WWOX: variants seen among roughly 807,000 people sequenced by gnomAD.
WWOX encodes the protein WW domain containing oxidoreductase.
WWOX carries 69 observed loss-of-function variants against 46.2 expected under a neutral mutation model. That is an observed-to-expected ratio of 1.49 (90% CI 1.23 to 1.82). The LOEUF is 1.82. Among genes scored for constraint, WWOX ranks in the 40% most tolerant of loss-of-function variants. The pLI is 0.00. For synonymous variants in WWOX, 359 were observed against 202.6 expected, an observed-to-expected ratio of 1.77 and a Z score of -6.56; for missense variants, 919 against 542.6, an observed-to-expected ratio of 1.69 and a Z score of -6.89.
chr16:78,715,359 T>A (rs1038019676), intron 8 of WWOX, among the ~76,000 whole-genome samples: 1 of 152,196 alleles, frequency 6.6e-6, no homozygotes, highest in African/African-American at 2.4e-5. Flanking sequence ...CCCAGCTTTG[T>A]GATTCTCTAG....
intron 8 of WWOX, among the ~76,000 whole-genome samples, chr16:78,770,338 G>C (rs1255774987): frequency 1.3e-5 from 2 of 150,556 alleles, no homozygotes; most frequent in Non-Finnish European, 3.0e-5. Context: ...GCCATAGAGT[G>C]AGACTCTGTC....
intron 8 of WWOX, among the ~76,000 whole-genome samples, chr16:78,800,943 T>G (rs1043742580): frequency 2.1e-4 from 17 of 80,556 alleles, no homozygotes; most frequent in Non-Finnish European, 4.4e-4. Flanking sequence ...AATGGAAGTT[T>G]CGAAAAACAG....
chr16:78,924,988 C>A (rs1033588776), intron 8 of WWOX, among the ~76,000 whole-genome samples: 3 of 151,990 alleles, frequency 2.0e-5, no homozygotes, highest in Admixed American at 6.6e-5. Flanking sequence ...TGAGCTCAGG[C>A]GTTCAAGACC....
chr16:79,142,659 G>A (rs755502311), intron 8 of WWOX, among the ~76,000 whole-genome samples: 9 of 151,990 alleles, frequency 5.9e-5, no homozygotes, highest in Non-Finnish European at 1.0e-4. Context: ...TTTTTTCAAC[G>A]TTAATAGAAA....
intron 4 of WWOX, 129 bp from the exon 5 acceptor site, chr16:78,164,054 C>T: frequency 3.5e-6 from 3 of 856,922 alleles, no homozygotes; most frequent in South Asian, 2.9e-5. Context: ...GCTTCTGTCC[C>T]CTGGGGATCA....
At chr16:78,741,799 G>A (rs945431726) in intron 8 of WWOX, among the ~76,000 whole-genome samples, 3 of 152,188 alleles carry the variant, frequency 2.0e-5, no homozygotes, top group Non-Finnish European at 2.9e-5. Flanking sequence ...AGGTTGCAGT[G>A]AGTTGAGACT....
chr16:78,658,704 A>G (rs139570796), intron 8 of WWOX, among the ~76,000 whole-genome samples: 2 of 152,038 alleles, frequency 1.3e-5, no homozygotes, highest in African/African-American at 2.4e-5. Flanking sequence ...TCCTATAGGG[A>G]CTCAAGTCAT....
At chr16:78,689,906 G>A (rs530653267) in intron 8 of WWOX, among the ~76,000 whole-genome samples, 1 of 152,100 alleles carries the variant, frequency 6.6e-6, no homozygotes, top group East Asian at 1.9e-4. Flanking sequence ...TGTTGCCCAG[G>A]CTGCAGTGCA....
intron 5 of WWOX, among the ~76,000 whole-genome samples, chr16:78,189,769 C>A (rs2035823781): frequency 6.6e-6 from 1 of 152,172 alleles, no homozygotes; most frequent in Non-Finnish European, 1.5e-5. Context: ...ATTCTCCTGG[C>A]TCAACCTCCT....
chr16:79,139,378 G>C (rs532239809), intron 8 of WWOX, among the ~76,000 whole-genome samples: 21 of 152,268 alleles, frequency 1.4e-4, no homozygotes, highest in South Asian at 4.1e-4. Context: ...TCTTGGTTTT[G>C]CTTAAACTGC....
chr16:79,033,334 ATATT>A (rs1177055177), intron 8 of WWOX, among the ~76,000 whole-genome samples: 6 of 148,666 alleles, frequency 4.0e-5, no homozygotes, highest in African/African-American at 1.5e-4. Flanking sequence ...TCTATTATAT[ATATT>A]ACATATACAT....
At chr16:79,137,318 T>A (rs1364430696) in intron 8 of WWOX, among the ~76,000 whole-genome samples, 1 of 152,194 alleles carries the variant, frequency 6.6e-6, no homozygotes, top group Admixed American at 6.5e-5. Flanking sequence ...AGCTTGACAA[T>A]CTTGGCAAGG....
chr16:78,190,306 G>A (rs1360078321), intron 5 of WWOX, among the ~76,000 whole-genome samples: 1 of 152,168 alleles, frequency 6.6e-6, no homozygotes, highest in African/African-American at 2.4e-5. Context: ...AGTAAGAAAG[G>A]TGACGTCAAT....
rs1187563687 is a variant in WWOX at position 78,208,978 on chromosome 16, G to A, written c.516+44689G>A. Among the ~76,000 whole-genome samples, 7 of 152,134 alleles carry A rather than the reference G, an allele frequency of 4.6e-5. No homozygotes were observed. The South Asian group carries it at 8.3e-4, about 18-fold the overall frequency. On this transcript the variant is annotated intron_variant, in intron 5 of 8. Coordinates refer to ENST00000566780, the MANE Select transcript of WWOX (RefSeq NM_016373.4). ...ATCTGGGGAAAGAAGAATGGGAATGGAAGGAGTGTGTTTAAAATGTGGGTG... is the reference window on the plus strand; with the variant it reads ...ATCTGGGGAAAGAAGAATGGGAATGAAAGGAGTGTGTTTAAAATGTGGGTG...
At chr16:78,808,132 A>T (rs1288962123) in intron 8 of WWOX, among the ~76,000 whole-genome samples, 1 of 152,202 alleles carries the variant, frequency 6.6e-6, no homozygotes, top group African/African-American at 2.4e-5. Flanking sequence ...CCCTGTAGTC[A>T]ACCCCACTCC....
At chr16:78,730,933 G>T (rs923899869) in intron 8 of WWOX, among the ~76,000 whole-genome samples, 1 of 152,056 alleles carries the variant, frequency 6.6e-6, no homozygotes, top group Admixed American at 6.5e-5. Flanking sequence ...CACTTTGTTT[G>T]TTCCCCTAGA....
chr16:78,237,819 A>G (rs1372067753), intron 5 of WWOX: 1 of 152,244 alleles, frequency 6.6e-6, no homozygotes, highest in Non-Finnish European at 1.5e-5. Context: ...CCTGTTATGT[A>G]AATACCTCTG....
rs1166486406 is a variant in WWOX, at chr16:79,149,590, A to G, written c.1057-62018A>G. ...TAGGGACGGTCTCAAATGAGTCCCC[A>G]TCAGCCACCAGGGAGCTCAGCTTTA... On this transcript the variant is annotated intron_variant, in intron 8 of 8. Transcript: ENST00000566780. Among the ~76,000 whole-genome samples the G allele has an allele frequency of 2.0e-5, 3 of 152,244 alleles. No homozygotes were observed. In the East Asian group the frequency reaches 5.8e-4, roughly 29 times the overall value.
At chr16:78,336,505 C>CAAAAAAA (rs386385163) in intron 5 of WWOX, among the ~76,000 whole-genome samples, 3 of 74,258 alleles carry the variant, frequency 4.0e-5, no homozygotes, top group Non-Finnish European at 5.4e-5. Flanking sequence ...GACTATGTCT[C>CAAAAAAA]AAAAAAAAAA....
Sources: allele counts gnomAD v4.1 joint callset (sites outside exome capture counted in the v4.1 genomes callset), GRCh38; gene constraint gnomAD v4.1.1; transcripts MANE v1.5; gene names NCBI Gene and HGNC (gene_info 2026-07-23, HGNC 2026-07-21).